The following MANBA variants were observed in gnomAD, a reference collection of about 807,000 sequenced individuals.
MANBA encodes mannosidase beta.
A neutral mutation model predicts 111.1 loss-of-function variants in MANBA; 83 were observed. The ratio of observed to expected loss-of-function variants is 0.75; its 90% CI spans 0.63 to 0.90. The LOEUF (loss-of-function observed/expected upper bound fraction) is 0.90, where lower values mean the gene tolerates loss of function less well. Among genes scored for constraint, MANBA ranks in the 40% least tolerant of loss-of-function variants. The pLI, the probability that MANBA is intolerant of heterozygous loss-of-function variation, is 0.00. For synonymous variants in MANBA, 370 were observed against 378.7 expected (o/e 0.98, Z 0.27); for missense variants, 1,036 against 1,069.0 (o/e 0.97, Z 0.43).
intron 3 of MANBA, 78 bp from the exon 4 acceptor site, chr4:102,723,119 T>C: frequency 7.9e-7 from 1 of 1,270,812 alleles, no homozygotes; most frequent in Admixed American, 1.9e-5. Flanking sequence ...AAAGGCATTT[T>C]GTATGAAAGA....
chr4:102,680,808 T>G lies in MANBA; in HGVS notation c.961-6738A>C, dbSNP rs548759932. 7.9e-5 allele frequency among the ~76,000 whole-genome samples: 12 copies of G among 152,346 alleles called. No individual in the cohort carries two copies. In the South Asian group the frequency reaches 2.5e-3, roughly 32 times the overall value. ...ATTCCTTGAAGCTATTTTCTGTGCATTCTGCAGCAGTTGTTCTGGAAATAT... is the reference window on the plus strand; with the variant it reads ...ATTCCTTGAAGCTATTTTCTGTGCAGTCTGCAGCAGTTGTTCTGGAAATAT... On this transcript the variant is annotated intron_variant, in intron 7 of 16. Transcript: ENST00000647097.
intron 1 of MANBA, among the ~76,000 whole-genome samples, chr4:102,746,607 G>C (rs1256316565): frequency 1.3e-5 from 2 of 152,168 alleles, no homozygotes; most frequent in Admixed American, 6.5e-5. Flanking sequence ...AGGAGTATCA[G>C]ATGCATTTAT....
At chr4:102,684,721 T>C (rs1271688375) in intron 7 of MANBA, among the ~76,000 whole-genome samples, 1 of 152,156 alleles carries the variant, frequency 6.6e-6, no homozygotes, top group Non-Finnish European at 1.5e-5. Flanking sequence ...ATATATACTA[T>C]GACTTTTTCT....
At position 102,635,850 on chromosome 4, in the gene MANBA, A is replaced by G. The variant is rs746816578; in HGVS notation, c.2157+15T>C. Reference sequence around the variant, plus strand: ...AAGTCTCCTTCGATCTTAGAAAACAATCCAAGTAACTTACACTGAGTGTCA... The same window carrying G: ...AAGTCTCCTTCGATCTTAGAAAACAGTCCAAGTAACTTACACTGAGTGTCA... On this transcript the variant is annotated intron_variant, in intron 15 of 16. Coordinates refer to ENST00000647097, the MANE Select transcript of MANBA (RefSeq NM_005908.4). The G allele has an allele frequency of 1.2e-6, 2 of 1,608,214 alleles. No individual in the cohort carries two copies. Among genetic ancestry groups the G allele is most frequent in the South Asian group, 2.2e-5 (2 of 90,924 alleles).
At chr4:102,728,238 C>T (rs191569206) in intron 1 of MANBA, 42 of 536,948 alleles carry the variant, frequency 7.8e-5, no homozygotes, top group African/African-American at 7.7e-4. Flanking sequence ...TCTTTGGCAG[C>T]ATTCTCCACA....
In MANBA at chr4:102,631,104, CTTTGTGTGTGTGTGTGTGTGTGTGTG is replaced by C. The variant is rs1729357327; in HGVS notation, c.*927_*952del. 3 of 138,876 alleles carry C rather than the reference CTTTGTGTGTGTGTGTGTGTGTGTGTG, an allele frequency of 2.2e-5. No homozygotes were observed. Among genetic ancestry groups the C allele is most frequent in the African/African-American group, 5.5e-5 (2 of 36,444 alleles). The allele number at this position is 138,876 out of a possible 1,614,324, so 8.6% of individuals were successfully genotyped here. A position where few individuals can be genotyped will look rare whatever the true frequency, so the allele number is the denominator to read the frequency against. The stretch of plus-strand genomic sequence containing the variant: ...AAGTCCCCTTATCCCCTTGATAAGG[CTTTGTGTGTGTGTGTGTGTGTGTGTG>C]TGTGTGTGTGTGTGTGTGTGTGTAC... On this transcript the variant is annotated 3_prime_UTR_variant, in exon 17 of 17. Transcript: ENST00000647097.
intron 7 of MANBA, among the ~76,000 whole-genome samples, chr4:102,678,370 C>A (rs1731814087): frequency 6.6e-6 from 1 of 151,870 alleles, no homozygotes; most frequent in Admixed American, 6.6e-5. Flanking sequence ...CTCTGGCAGT[C>A]TTGATAGTCA....
chr4:102,673,889 A>C, intron 8 of MANBA, 30 bp downstream of exon 8: 2 of 1,587,660 alleles, frequency 1.3e-6, no homozygotes, highest in Non-Finnish European at 1.7e-6. Flanking sequence ...TAATTAAAAG[A>C]AGAACAAGAA....
At chr4:102,681,042 C>G (rs571929081) in intron 7 of MANBA, among the ~76,000 whole-genome samples, 1 of 152,200 alleles carries the variant, frequency 6.6e-6, no homozygotes, top group Non-Finnish European at 1.5e-5. Context: ...TGGCTCATGC[C>G]TATAACCTCA....
intron 5 of MANBA, among the ~76,000 whole-genome samples, chr4:102,710,821 CA>C (rs1349899419): frequency 6.6e-6 from 1 of 152,124 alleles, no homozygotes; most frequent in Admixed American, 6.5e-5. Context: ...TGATTTTTCA[CA>C]AAGGCATCTT....
At chr4:102,715,941 T>C (rs1722309534) in intron 4 of MANBA, among the ~76,000 whole-genome samples, 1 of 152,200 alleles carries the variant, frequency 6.6e-6, no homozygotes, top group Non-Finnish European at 1.5e-5. Flanking sequence ...AATTTCTCTA[T>C]AATATCTCTG....
chr4:102,664,906 A>G, intron 10 of MANBA, 54 bp from the exon 11 acceptor site: 1 of 1,393,654 alleles, frequency 7.2e-7, no homozygotes, highest in Non-Finnish European at 1.0e-6. Context: ...TAAAAAATTC[A>G]GAGCTATAAT....
intron 1 of MANBA, among the ~76,000 whole-genome samples, chr4:102,758,705 G>C (rs1724118730): frequency 6.6e-6 from 1 of 151,956 alleles, no homozygotes; most frequent in South Asian, 2.1e-4. Context: ...ACCACGCCCA[G>C]TTAATTTTTT....
At chr4:102,671,507 G>A in intron 8 of MANBA, 109 bp from the exon 9 acceptor site, 2 of 716,220 alleles carry the variant, frequency 2.8e-6, no homozygotes, top group Non-Finnish European at 5.0e-6. Context: ...AATCATGATG[G>A]TTTGGTTACA....
chr4:102,745,048 C>T (rs933318099), intron 1 of MANBA, among the ~76,000 whole-genome samples: 2 of 152,058 alleles, frequency 1.3e-5, no homozygotes, highest in African/African-American at 2.4e-5. Flanking sequence ...GAAGTCAGAC[C>T]TGTAAGTCAG....
chr4:102,647,693 C>A (rs536746548), intron 13 of MANBA, among the ~76,000 whole-genome samples: 1 of 152,116 alleles, frequency 6.6e-6, no homozygotes, highest in African/African-American at 2.4e-5. Context: ...TGCCTTTAAC[C>A]TTGTGTTCTG....
intron 10 of MANBA, chr4:102,665,419 A>T (rs1731173662): frequency 6.5e-6 from 1 of 154,426 alleles, no homozygotes; most frequent in African/African-American, 2.4e-5. Context: ...TTAAAGACAA[A>T]TATGGAATAC....
Position 102,690,609 on chromosome 4 carries a change from A to G in MANBA, c.836T>C (p.Val279Ala). The change falls in exon 6 of 17, where the codon GTG (valine) becomes GCG (alanine). Residue 279 changes from valine to alanine, a missense_variant. Coordinates refer to ENST00000647097, the MANE Select transcript of MANBA (RefSeq NM_005908.4). ...ACCATCATTTACCTTGCTAATGTTC[A>G]CAAATAGCTCAACAATCCTTTTCCC... Reference protein sequence around the residue: ...QPGKRIVELFVNISKNITVET... With the variant: ...QPGKRIVELFANISKNITVET... 1 of 1,611,324 alleles carries G rather than the reference A, an allele frequency of 6.2e-7. No individual in the cohort carries two copies. Among genetic ancestry groups the G allele is most frequent in the South Asian group, 1.1e-5 (1 of 91,026 alleles).
chr4:102,667,625 C>A (rs1177362180), intron 10 of MANBA: 5 of 152,126 alleles, frequency 3.3e-5, no homozygotes, highest in African/African-American at 1.2e-4. Context: ...TGAGGAGTGA[C>A]ATCATACTAG....
Sources: gnomAD v4.1 joint callset for allele counts (sites outside exome capture counted in the v4.1 genomes callset) on GRCh38, gnomAD v4.1.1 for gene constraint, MANE v1.5 for transcripts, NCBI Gene and HGNC (gene_info 2026-07-23, HGNC 2026-07-21) for gene names.